The following SEC24B variants were observed in gnomAD, a reference collection of about 807,000 sequenced individuals.
SEC24B encodes the protein SEC24 homolog B, COPII component.
In SEC24B, 45 loss-of-function variants were observed where a neutral mutation model predicts 142.8. That is an observed-to-expected ratio of 0.32 (90% CI 0.25 to 0.40). SEC24B has a LOEUF of 0.40. SEC24B is among the 10% of genes least tolerant of loss of function. SEC24B has a pLI of 1.00. For synonymous variants in SEC24B, 574 were observed against 568.2 expected (o/e 1.01, Z -0.15); for missense variants, 1,409 against 1,526.8 (o/e 0.92, Z 1.29).
At chr4:109,434,087 C>A in intron 1 of SEC24B, 85 bp downstream of exon 1, 1 of 907,138 alleles carries the variant, frequency 1.1e-6, no homozygotes, top group Non-Finnish European at 1.3e-6. Flanking sequence ...GCGGGCCGGG[C>A]CGGGAAGGGC....
intron 6 of SEC24B, among the ~76,000 whole-genome samples, chr4:109,500,053 A>G (rs1735946669): frequency 6.6e-6 from 1 of 152,180 alleles, no homozygotes. Context: ...GACTAAGCAA[A>G]TGTGTGTGTT....
rs770507485 is a variant in SEC24B, at chr4:109,518,803, C to CTT, written c.2127-1543_2127-1542dup. Among the ~76,000 whole-genome samples the CTT allele has an allele frequency of 6.2e-3, 729 of 117,778 alleles. 19 individuals are homozygous for CTT. Among genetic ancestry groups the CTT allele is most frequent in the African/African-American group, 0.019 (567 of 30,190 alleles). The allele number at this position is 117,778 out of a possible 152,430, so 77.3% of individuals were successfully genotyped here. A position where few individuals can be genotyped will look rare whatever the true frequency, so the allele number is the denominator to read the frequency against. ...GTTGGTTTGTTGTTGATGTTTCTGT[C>CTT]TTTTTTTTTTTTTTTTTTTTTGAGA... On this transcript the variant is annotated intron_variant, in intron 11 of 23. Coordinates refer to ENST00000265175, the MANE Select transcript of SEC24B (RefSeq NM_006323.5).
At chr4:109,436,416 A>C (rs1425570521) in intron 1 of SEC24B, among the ~76,000 whole-genome samples, 1 of 152,206 alleles carries the variant, frequency 6.6e-6, no homozygotes, top group Non-Finnish European at 1.5e-5. Flanking sequence ...ATGGTGAAAA[A>C]GAAATAGGTC....
intron 6 of SEC24B, among the ~76,000 whole-genome samples, 191 bp downstream of exon 6, chr4:109,495,047 T>C (rs1735397209): frequency 6.6e-6 from 1 of 152,194 alleles, no homozygotes; most frequent in South Asian, 2.1e-4. Flanking sequence ...AAATGAAATA[T>C]AAATATCACA....
chr4:109,500,847 T>A (rs1187436500), intron 6 of SEC24B, among the ~76,000 whole-genome samples: 1 of 152,044 alleles, frequency 6.6e-6, no homozygotes, highest in Non-Finnish European at 1.5e-5. Context: ...TTAGTAGAGA[T>A]GGGGTTTCAC....
Position 109,508,191 on chromosome 4 carries a change from A to C in SEC24B, c.1673+1679A>C, listed in dbSNP as rs549586684. The stretch of plus-strand genomic sequence containing the variant: ...TGAAAACAGCTGCCCATCCTTCCAA[A>C]TATAAGTTGCTACCAGGTTGATAAG... On this transcript the variant is annotated intron_variant, in intron 7 of 23. Transcript: ENST00000265175. Among the ~76,000 whole-genome samples, 32 of 152,200 alleles carry C rather than the reference A, an allele frequency of 2.1e-4. No individual in the cohort carries two copies. The East Asian group carries it at 6.0e-3, about 28-fold the overall frequency.
At chr4:109,453,939 C>T (rs1353345915) in intron 1 of SEC24B, among the ~76,000 whole-genome samples, 2 of 152,132 alleles carry the variant, frequency 1.3e-5, no homozygotes, top group Non-Finnish European at 2.9e-5. Context: ...CTCACTGCAA[C>T]CTCCACCTCC....
At chr4:109,510,432 G>A in intron 8 of SEC24B, among the ~76,000 whole-genome samples, 1 of 152,158 alleles carries the variant, frequency 6.6e-6, no homozygotes, top group Non-Finnish European at 1.5e-5. Flanking sequence ...GAGATACTTA[G>A]GTAGTGAGTA....
In SEC24B at chr4:109,483,785, G is replaced by GA. The variant is rs142060272; in HGVS notation, c.1165+2007dup. Among the ~76,000 whole-genome samples the GA allele has an allele frequency of 7.6e-3, 1,151 of 152,252 alleles. 15 individuals are homozygous for GA. Among genetic ancestry groups the GA allele is most frequent in the African/African-American group, 0.025 (1,050 of 41,534 alleles). On this transcript the variant is annotated intron_variant, in intron 4 of 23. Coordinates refer to ENST00000265175, the MANE Select transcript of SEC24B (RefSeq NM_006323.5). ...TACGTAAGTACCCATCTATGTTTCTGAAATTTTTTTTGTAATTTTAAATTT... is the reference window on the plus strand; with the variant it reads ...TACGTAAGTACCCATCTATGTTTCTGAAAATTTTTTTTGTAATTTTAAATTT...
intron 8 of SEC24B, 125 bp from the exon 9 acceptor site, chr4:109,511,832 G>A: frequency 1.1e-6 from 1 of 895,394 alleles, no homozygotes; most frequent in South Asian, 2.0e-5. Context: ...TTATTAATAT[G>A]CTTCCATATA....
intron 11 of SEC24B, among the ~76,000 whole-genome samples, chr4:109,519,063 T>C (rs891034776): frequency 2.6e-5 from 4 of 152,134 alleles, no homozygotes; most frequent in African/African-American, 9.7e-5. Flanking sequence ...CACCTCGGCC[T>C]CCCAAAGTGC....
At chr4:109,538,629 T>C (rs1422483255) in intron 23 of SEC24B, 33 bp downstream of exon 23, 1 of 1,352,362 alleles carries the variant, frequency 7.4e-7, no homozygotes, top group South Asian at 1.2e-5. Context: ...TATGAAGTTG[T>C]CTTTCCTATG....
At position 109,449,700 on chromosome 4, in the gene SEC24B, C is replaced by G. The variant is rs1311434948; in HGVS notation, c.134-13201C>G. ...TTCTTTTTATAAGGGCACTCCTTCT[C>G]TCATGGTGGTCCTGCCTTCATGACC... is the stretch of plus-strand genomic sequence containing the variant. On this transcript the variant is annotated intron_variant, in intron 1 of 23. Transcript: ENST00000265175. Among the ~76,000 whole-genome samples, 7 of 152,198 alleles carry G rather than the reference C, an allele frequency of 4.6e-5. No homozygotes were observed. The East Asian group carries it at 9.7e-4, about 21-fold the overall frequency.
intron 1 of SEC24B, among the ~76,000 whole-genome samples, chr4:109,440,080 A>G (rs1217759950): frequency 6.6e-6 from 1 of 151,284 alleles, no homozygotes; most frequent in East Asian, 2.0e-4. Flanking sequence ...AGATTGTGCC[A>G]TTGCACTCCA....
At chr4:109,512,354 T>C (rs1371182943) in intron 9 of SEC24B, among the ~76,000 whole-genome samples, 1 of 152,224 alleles carries the variant, frequency 6.6e-6, no homozygotes, top group Non-Finnish European at 1.5e-5. Flanking sequence ...AGACTAGTTA[T>C]GCTTGTCCCT....
chr4:109,462,211 T>C (rs1731332721), intron 1 of SEC24B, among the ~76,000 whole-genome samples: 1 of 152,168 alleles, frequency 6.6e-6, no homozygotes, highest in African/African-American at 2.4e-5. Flanking sequence ...CGAGACCCTG[T>C]CTCAAAGTTT....
Position 109,538,613 on chromosome 4 carries a change from C to G in SEC24B, c.3692+17C>G. The G allele has an allele frequency of 1.3e-6, 2 of 1,487,490 alleles. No individual in the cohort carries two copies. The highest frequency in any genetic ancestry group is 1.9e-6 in the Non-Finnish European group (2 of 1,065,318). The allele number at this position is 1,487,490 out of a possible 1,614,324, so 92.1% of individuals were successfully genotyped here. A position where few individuals can be genotyped will look rare whatever the true frequency, so the allele number is the denominator to read the frequency against. Reference sequence around the variant, plus strand: ...CATAGTAAAGTAAGTACTTTTGTAACTTAATTATGAAGTTGTCTTTCCTAT... The same window carrying G: ...CATAGTAAAGTAAGTACTTTTGTAAGTTAATTATGAAGTTGTCTTTCCTAT... On this transcript the variant is annotated intron_variant, in intron 23 of 23. Coordinates refer to ENST00000265175, the MANE Select transcript of SEC24B (RefSeq NM_006323.5).
intron 1 of SEC24B, among the ~76,000 whole-genome samples, chr4:109,435,589 A>G (rs1204642898): frequency 6.6e-6 from 1 of 152,216 alleles, no homozygotes; most frequent in Non-Finnish European, 1.5e-5. Context: ...AATTTTGTGA[A>G]CACTCAAGAA....
At chr4:109,442,163 G>A (rs371547861) in intron 1 of SEC24B, among the ~76,000 whole-genome samples, 24 of 152,224 alleles carry the variant, frequency 1.6e-4, no homozygotes, top group African/African-American at 2.9e-4. Flanking sequence ...GGCAGGGAGA[G>A]TATATTAAAA....
Sources: gnomAD v4.1 joint callset for allele counts (sites outside exome capture counted in the v4.1 genomes callset) on GRCh38, gnomAD v4.1.1 for gene constraint, MANE v1.5 for transcripts, NCBI Gene and HGNC (gene_info 2026-07-23, HGNC 2026-07-21) for gene names.